The following DLGAP2 variants were observed in gnomAD, a reference collection of about 807,000 sequenced individuals.
The protein encoded by DLGAP2 is disks large-associated protein 2.
In DLGAP2, 26 loss-of-function variants were observed where a neutral mutation model predicts 100.3. The observed-to-expected ratio is 0.26, with a 90% CI of 0.19 to 0.36. The LOEUF (loss-of-function observed/expected upper bound fraction) is 0.36, where lower values mean the gene tolerates loss of function less well. Among genes scored for constraint, DLGAP2 ranks in the 10% least tolerant of loss-of-function variants. DLGAP2 has a pLI of 1.00. For synonymous variants in DLGAP2, 886 were observed against 630.1 expected (o/e 1.41, Z -6.08); for missense variants, 1,858 against 1,453.2 (o/e 1.28, Z -4.53).
chr8:1,103,327 C>T (rs183707178), intron 2 of DLGAP2, among the ~76,000 whole-genome samples: 178 of 151,450 alleles, frequency 1.2e-3, no homozygotes, highest in African/African-American at 3.9e-3. Flanking sequence ...CCTTGGTTAA[C>T]GGTGATGACT....
intron 1 of DLGAP2, among the ~76,000 whole-genome samples, chr8:810,879 A>G (rs1271422998): frequency 6.6e-6 from 1 of 152,226 alleles, no homozygotes; most frequent in East Asian, 1.9e-4. Context: ...GGAATTGCAA[A>G]CTTGATTAGG....
chr8:1,002,050 A>G (rs1800974624), intron 2 of DLGAP2: 1 of 152,230 alleles, frequency 6.6e-6, no homozygotes, highest in Non-Finnish European at 1.5e-5. Flanking sequence ...ACCTGTTTAC[A>G]TAGATTTCCT....
At chr8:1,243,384 G>T (rs1288755775) in intron 2 of DLGAP2, among the ~76,000 whole-genome samples, 1 of 152,168 alleles carries the variant, frequency 6.6e-6, no homozygotes, top group Non-Finnish European at 1.5e-5. Flanking sequence ...CCAGACACTG[G>T]TGAGCGACGG....
chr8:795,753 G>A (rs1232915174), intron 1 of DLGAP2, among the ~76,000 whole-genome samples: 2 of 147,528 alleles, frequency 1.4e-5, no homozygotes, highest in Non-Finnish European at 3.0e-5. Flanking sequence ...GAGAACAGGC[G>A]TCCAGTGAGA....
At chr8:1,003,871 A>G (rs1244102496) in intron 2 of DLGAP2, among the ~76,000 whole-genome samples, 1 of 152,228 alleles carries the variant, frequency 6.6e-6, no homozygotes, top group South Asian at 2.1e-4. Context: ...ATGATACCAC[A>G]AGCCATACAG....
intron 2 of DLGAP2, among the ~76,000 whole-genome samples, chr8:1,209,284 G>A (rs12550662): frequency 0.06 from 9,130 of 152,162 alleles, 428 homozygotes; most frequent in African/African-American, 0.12. Flanking sequence ...AAACAGCATG[G>A]TACTGGCATA....
chr8:1,009,343 A>G (rs895922845), intron 2 of DLGAP2, among the ~76,000 whole-genome samples: 17 of 152,234 alleles, frequency 1.1e-4, no homozygotes, highest in African/African-American at 3.6e-4. Flanking sequence ...GTCATATCGG[A>G]TAACGGGCTT....
intron 5 of DLGAP2, among the ~76,000 whole-genome samples, chr8:1,555,907 C>A (rs73671207): frequency 6.6e-6 from 1 of 152,214 alleles, no homozygotes; most frequent in East Asian, 1.9e-4. Flanking sequence ...TTCACGCCTC[C>A]GTTTGTGGTG....
At chr8:1,018,746 A>G (rs895392161) in intron 2 of DLGAP2, 5 of 152,234 alleles carry the variant, frequency 3.3e-5, no homozygotes, top group African/African-American at 1.2e-4. Flanking sequence ...TGTTAATTCA[A>G]AGGAAACACA....
At chr8:828,561 C>T (rs919638007) in intron 1 of DLGAP2, among the ~76,000 whole-genome samples, 3 of 152,194 alleles carry the variant, frequency 2.0e-5, no homozygotes, top group Non-Finnish European at 4.4e-5. Flanking sequence ...ATTGCTCAAA[C>T]ACACATGCTG....
chr8:1,578,259 T>A (rs992517195), intron 6 of DLGAP2, among the ~76,000 whole-genome samples: 1 of 152,240 alleles, frequency 6.6e-6, no homozygotes, highest in African/African-American at 2.4e-5. Flanking sequence ...CATGAACAAC[T>A]TCTCTTCACC....
chr8:1,654,377 C>G (rs1048283834), intron 8 of DLGAP2, among the ~76,000 whole-genome samples: 8 of 152,154 alleles, frequency 5.3e-5, no homozygotes, highest in Non-Finnish European at 1.2e-4. Flanking sequence ...AGAATTGGAA[C>G]ATGGCCGGGC....
intron 1 of DLGAP2, among the ~76,000 whole-genome samples, chr8:841,154 G>C (rs1796976788): frequency 6.6e-6 from 1 of 152,150 alleles, no homozygotes; most frequent in South Asian, 2.1e-4. Context: ...ATATGGAAAA[G>C]GCAAGATAAA....
At chr8:1,025,014 T>G (rs1472510742) in intron 2 of DLGAP2, among the ~76,000 whole-genome samples, 3 of 152,032 alleles carry the variant, frequency 2.0e-5, no homozygotes, top group Non-Finnish European at 4.4e-5. Flanking sequence ...TCTCTCTCTC[T>G]GTGTCTCTGC....
chr8:860,612 T>A (rs887745596), intron 1 of DLGAP2, among the ~76,000 whole-genome samples: 1 of 152,212 alleles, frequency 6.6e-6, no homozygotes, highest in Non-Finnish European at 1.5e-5. Context: ...CCTTTTCCAA[T>A]CCCTAACCTG....
intron 6 of DLGAP2, among the ~76,000 whole-genome samples, chr8:1,589,716 AG>A: frequency 6.6e-6 from 1 of 152,314 alleles, no homozygotes; most frequent in Admixed American, 6.5e-5. Context: ...TTTTTAAAGA[AG>A]ATGTACAGTA....
chr8:1,201,153 C>A (rs1474585473), intron 2 of DLGAP2, among the ~76,000 whole-genome samples: 4 of 152,184 alleles, frequency 2.6e-5, no homozygotes, highest in African/African-American at 7.2e-5. Flanking sequence ...GCCACGGAGC[C>A]CTGTGGAGGC....
At chr8:1,547,387 G>C (rs1449904286) in intron 4 of DLGAP2, among the ~76,000 whole-genome samples, 1 of 152,086 alleles carries the variant, frequency 6.6e-6, no homozygotes, top group Non-Finnish European at 1.5e-5. Context: ...GAGGGGGTCA[G>C]CCCCACAGCT....
intron 2 of DLGAP2, among the ~76,000 whole-genome samples, chr8:1,039,031 T>C (rs1421557399): frequency 6.6e-6 from 1 of 152,252 alleles, no homozygotes; most frequent in African/African-American, 2.4e-5. Context: ...TCTGTAATTT[T>C]TCGGAAACTT....
Sources: gnomAD v4.1 joint callset for allele counts (sites outside exome capture counted in the v4.1 genomes callset) on GRCh38, gnomAD v4.1.1 for gene constraint, MANE v1.5 for transcripts, NCBI Gene and HGNC (gene_info 2026-07-23, HGNC 2026-07-21) for gene names.